The following VWA3B variants were observed in gnomAD, a reference collection of about 807,000 sequenced individuals.
VWA3B encodes von Willebrand factor A domain-containing protein 3B.
Under a neutral mutation model 158.3 loss-of-function variants are expected in VWA3B, and 138 were observed. That is an observed-to-expected ratio of 0.87 (90% confidence interval 0.76 to 1.00). The LOEUF is 1.00. Among genes scored for constraint, VWA3B ranks in the 50% least tolerant of loss-of-function variants. The pLI, the probability that VWA3B is intolerant of heterozygous loss-of-function variation, is 0.00. For synonymous variants in VWA3B, 596 were observed against 587.3 expected (o/e 1.01, Z -0.21); for missense variants, 1,555 against 1,565.1 (o/e 0.99, Z 0.11).
Position 98,267,013 on chromosome 2 carries a change from C to T in VWA3B, c.2844-3669C>T, listed in dbSNP as rs1215088436. Among the ~76,000 whole-genome samples, 3 of 151,796 alleles carry T rather than the reference C, an allele frequency of 2.0e-5. No individual in the cohort carries two copies. The East Asian group carries it at 5.8e-4, about 29-fold the overall frequency. On this transcript the variant is annotated intron_variant, in intron 21 of 27. Coordinates refer to ENST00000477737, the MANE Select transcript of VWA3B (RefSeq NM_144992.5). ...GCAAACAGGGACAATTTGACTTCCT[C>T]TTTTCCTAATTGAATACCCTTTATT...
At chr2:98,310,348 T>C (rs533202990) in intron 26 of VWA3B, among the ~76,000 whole-genome samples, 16 of 152,272 alleles carry the variant, frequency 1.1e-4, no homozygotes, top group African/African-American at 3.4e-4. Flanking sequence ...CAGCACTTTC[T>C]TCCCAGAAGT....
intron 12 of VWA3B, among the ~76,000 whole-genome samples, chr2:98,208,272 T>G (rs1683187563): frequency 1.3e-5 from 2 of 152,182 alleles, no homozygotes; most frequent in South Asian, 4.1e-4. Context: ...GTGAGTTTCC[T>G]GTAGACAGCA....
intron 8 of VWA3B, among the ~76,000 whole-genome samples, chr2:98,172,515 G>A (rs948902728): frequency 3.3e-5 from 5 of 152,172 alleles, no homozygotes; most frequent in Admixed American, 1.3e-4. Flanking sequence ...TGCAACATTT[G>A]GGCAGGAAAA....
At chr2:98,107,815 G>A (rs192328809) in intron 2 of VWA3B, among the ~76,000 whole-genome samples, 2 of 151,908 alleles carry the variant, frequency 1.3e-5, no homozygotes, top group Admixed American at 1.3e-4. Context: ...AAAAATACCA[G>A]CTTTTTTGTT....
rs751665820 is a variant in VWA3B at position 98,290,610 on chromosome 2, T to C, written c.3145T>C (p.Phe1049Leu). 3.1e-6 allele frequency: 5 copies of C among 1,594,640 alleles called. No individual in the cohort carries two copies. The highest frequency in any genetic ancestry group is 4.3e-6 in the Non-Finnish European group (5 of 1,173,008). The change falls in exon 23 of 28, where the codon TTT (phenylalanine) becomes CTT (leucine). Residue 1049 changes from phenylalanine (F) to leucine (L), a missense_variant. Transcript: ENST00000477737. ...KVIARCDENGFYFPGVVKKCV... is the reference protein window; with the variant it reads ...KVIARCDENGLYFPGVVKKCV... ...TATTGCAAGATGTGATGAAAATGGC[T>C]TTTATTTTCCAGGTAGTTTTTTTTT...
chr2:98,283,321 A>T (rs996029219), intron 22 of VWA3B, among the ~76,000 whole-genome samples: 3 of 152,248 alleles, frequency 2.0e-5, no homozygotes, highest in Non-Finnish European at 4.4e-5. Context: ...ATTCGTCTGG[A>T]GACAGAGAGA....
downstream of VWA3B, among the ~76,000 whole-genome samples, chr2:98,314,038 G>A (rs966371154): frequency 3.2e-4 from 49 of 152,168 alleles, no homozygotes; most frequent in African/African-American, 9.4e-4. Context: ...AACACTGGGC[G>A]TCAGGTGATA....
chr2:98,276,451 G>C (rs979533420), intron 22 of VWA3B, among the ~76,000 whole-genome samples: 1 of 152,194 alleles, frequency 6.6e-6, no homozygotes, highest in Non-Finnish European at 1.5e-5. Context: ...TTTTAGCAAA[G>C]GCCAAAGCTT....
intron 8 of VWA3B, among the ~76,000 whole-genome samples, chr2:98,171,459 T>C (rs1679574794): frequency 1.3e-5 from 2 of 152,010 alleles, no homozygotes; most frequent in African/African-American, 4.8e-5. Flanking sequence ...GAATAGCATA[T>C]GCAAAGGCCC....
At chr2:98,150,059 T>A (rs1195003477) in intron 7 of VWA3B, among the ~76,000 whole-genome samples, 1 of 152,244 alleles carries the variant, frequency 6.6e-6, no homozygotes, top group African/African-American at 2.4e-5. Flanking sequence ...TATCAACTTT[T>A]AGGCCTCATA....
downstream of VWA3B, among the ~76,000 whole-genome samples, chr2:98,317,725 A>G (rs1034252037): frequency 5.3e-5 from 8 of 152,140 alleles, no homozygotes; most frequent in African/African-American, 1.9e-4. Flanking sequence ...TATTTAATTG[A>G]TGTCTCATGT....
intron 9 of VWA3B, among the ~76,000 whole-genome samples, chr2:98,184,324 C>A (rs1680839522): frequency 1.3e-5 from 2 of 152,222 alleles, no homozygotes; most frequent in South Asian, 4.1e-4. Flanking sequence ...CCACCTCTGC[C>A]TGCCTTGGGA....
At chr2:98,291,686 G>A (rs145998212) in intron 23 of VWA3B, 82 of 152,338 alleles carry the variant, frequency 5.4e-4, no homozygotes, top group African/African-American at 1.9e-3. Context: ...CCCTGGCTTC[G>A]GGTGGTAGAT....
At chr2:98,207,515 T>A (rs77149975) in intron 12 of VWA3B, 2 of 515,712 alleles carry the variant, frequency 3.9e-6, no homozygotes, top group Admixed American at 2.0e-5. Context: ...GTGTCTTGAA[T>A]GTGGATAATA....
chr2:98,115,333 TACCTA>T (rs1471102429), intron 2 of VWA3B, among the ~76,000 whole-genome samples: 3 of 152,080 alleles, frequency 2.0e-5, no homozygotes, highest in Non-Finnish European at 2.9e-5. Flanking sequence ...TTAGGAGAAA[TACCTA>T]ATGTAAATGA....
rs571663738 is a variant in VWA3B at position 98,178,072 on chromosome 2, A to G, written c.1115-2944A>G. 3.3e-5 allele frequency among the ~76,000 whole-genome samples: 5 copies of G among 152,328 alleles called. No homozygotes were observed. The East Asian group carries it at 5.8e-4, about 18-fold the overall frequency. ...AATAATTGAAGAAAATGTCACCCCA[A>G]GGGTTTCTCCAAGGAGGCTGATCTC... is the stretch of plus-strand genomic sequence containing the variant. On this transcript the variant is annotated intron_variant, in intron 8 of 27. Transcript: ENST00000477737.
chr2:98,241,733 T>C (rs1686086493), intron 19 of VWA3B, among the ~76,000 whole-genome samples: 1 of 152,018 alleles, frequency 6.6e-6, no homozygotes. Flanking sequence ...GCACATCCCA[T>C]GGGCACTTGT....
chr2:98,247,348 C>T (rs1686466387), intron 19 of VWA3B, among the ~76,000 whole-genome samples: 1 of 152,014 alleles, frequency 6.6e-6, no homozygotes, highest in Admixed American at 6.6e-5. Context: ...TTATTCTCCT[C>T]CCAAACACAA....
intron 9 of VWA3B, among the ~76,000 whole-genome samples, chr2:98,187,666 G>GTGTC (rs1681206821): frequency 3.4e-5 from 1 of 29,636 alleles, no homozygotes; most frequent in Non-Finnish European, 8.6e-5. Flanking sequence ...CTCTGTGTCT[G>GTGTC]TGTGTGTGTG....
Sources: gnomAD v4.1 joint callset for allele counts (sites outside exome capture counted in the v4.1 genomes callset) on GRCh38, gnomAD v4.1.1 for gene constraint, MANE v1.5 for transcripts, NCBI Gene and HGNC (gene_info 2026-07-23, HGNC 2026-07-21) for gene names.